UBA6: variants seen among roughly 807,000 people sequenced by gnomAD.
UBA6 encodes ubiquitin-like modifier-activating enzyme 6.
UBA6 carries 87 observed loss-of-function variants against 148.3 expected under a neutral mutation model. The ratio of observed to expected loss-of-function variants is 0.59; its 90% CI spans 0.49 to 0.70. UBA6 has a LOEUF of 0.70. UBA6 is among the 30% of genes least tolerant of loss of function. The pLI is 0.00. For synonymous variants in UBA6, 376 were observed against 401.0 expected (o/e 0.94, Z 0.75); for missense variants, 1,186 against 1,241.2 (o/e 0.96, Z 0.67).
intron 13 of UBA6, among the ~76,000 whole-genome samples, chr4:67,652,193 T>A (rs905133330): frequency 1.3e-5 from 2 of 152,154 alleles, no homozygotes; most frequent in Non-Finnish European, 2.9e-5. Context: ...AAAACACGTA[T>A]CTGATAAAGA....
intron 1 of UBA6, among the ~76,000 whole-genome samples, chr4:67,700,169 T>G (rs936141738): frequency 1.3e-5 from 2 of 152,198 alleles, no homozygotes; most frequent in Non-Finnish European, 2.9e-5. Context: ...CGGGTTATAT[T>G]ACATAATATC....
chr4:67,691,796 TAA>T (rs35909302), intron 2 of UBA6, among the ~76,000 whole-genome samples: 2 of 140,864 alleles, frequency 1.4e-5, no homozygotes, highest in African/African-American at 2.6e-5. Context: ...AGGACCATTG[TAA>T]AAAAAAAAAA....
chr4:67,633,922 A>AT lies in UBA6; in HGVS notation c.2013+319dup, dbSNP rs200841709. Among the ~76,000 whole-genome samples, 758 of 152,040 alleles carry AT rather than the reference A, an allele frequency of 5.0e-3. 9 individuals carry two copies. The highest frequency in any genetic ancestry group is 0.017 in the African/African-American group (712 of 41,510). ...GAAATTTTAACTAGAACTTACCTCAATTTTTTCTTTCCAAAGGGCTTAATA... is the reference window on the plus strand; with the variant it reads ...GAAATTTTAACTAGAACTTACCTCAATTTTTTTCTTTCCAAAGGGCTTAATA... On this transcript the variant is annotated intron_variant, in intron 22 of 32. Coordinates refer to ENST00000322244, the MANE Select transcript of UBA6 (RefSeq NM_018227.6).
At chr4:67,699,589 T>A in intron 1 of UBA6, among the ~76,000 whole-genome samples, 1 of 152,246 alleles carries the variant, frequency 6.6e-6, no homozygotes, top group South Asian at 2.1e-4. Flanking sequence ...ATATAAAAAT[T>A]AACAAAATTT....
At chr4:67,682,348 T>C in intron 2 of UBA6, 135 bp from the exon 3 acceptor site, 1 of 631,224 alleles carries the variant, frequency 1.6e-6, no homozygotes, top group Non-Finnish European at 2.8e-6. Context: ...GCACAGTGTT[T>C]AAACATTTCT....
chr4:67,652,141 TTC>T (rs1729567790), intron 13 of UBA6, among the ~76,000 whole-genome samples: 1 of 152,166 alleles, frequency 6.6e-6, no homozygotes, highest in Non-Finnish European at 1.5e-5. Context: ...ACAAAAAGTA[TTC>T]TTTTTGTGAT....
Position 67,681,569 on chromosome 4 carries a change from C to A in UBA6, c.252G>T (p.Gly84=), listed in dbSNP as rs745750155. Residue 84 remains glycine (G), a synonymous_variant, in exon 4 of 33, where the codon GGG becomes GGT. Coordinates refer to ENST00000322244, the MANE Select transcript of UBA6 (RefSeq NM_018227.6). The stretch of plus-strand genomic sequence containing the variant: ...ACAGAGGACATTTACTTACCTTAAT[C>A]CCTGCAAGAACAAGATTCTTTGCTA... ...LEIAKNLVLA[G]IKAVTIHDTE... 6 of 1,575,948 alleles carry A rather than the reference C, an allele frequency of 3.8e-6. No homozygotes were observed. In the Admixed American group the frequency reaches 8.0e-5, roughly 21 times the overall value.
intron 2 of UBA6, among the ~76,000 whole-genome samples, chr4:67,696,317 TA>T (rs1452952764): frequency 6.6e-6 from 1 of 152,066 alleles, no homozygotes; most frequent in African/African-American, 2.4e-5. Context: ...AACTGAGATT[TA>T]AATATTATCC....
intron 10 of UBA6, among the ~76,000 whole-genome samples, chr4:67,664,730 AAAATT>A (rs901100784): frequency 3.9e-5 from 6 of 152,150 alleles, no homozygotes; most frequent in African/African-American, 1.4e-4. Context: ...TGAAATTTAT[AAAATT>A]AAATTAAAAT....
rs759236862 is a variant in UBA6 at position 67,631,791 on chromosome 4, A to G, written c.2195-20T>C. On this transcript the variant is annotated intron_variant, in intron 24 of 32. Coordinates refer to ENST00000322244, the MANE Select transcript of UBA6 (RefSeq NM_018227.6). ...ATAAACCTGGCAAAAAGATACAAAT[A>G]TCATTTTCAATGTATGTAGCCAGTA... 6.2e-7 allele frequency: 1 copy of G among 1,611,112 alleles called. No individual in the cohort carries two copies. Among genetic ancestry groups the G allele is most frequent in the Non-Finnish European group, 8.5e-7 (1 of 1,178,456 alleles).
rs762942245 is a variant in UBA6, at chr4:67,644,666, A to G, written c.1476+32T>C. On this transcript the variant is annotated intron_variant, in intron 17 of 32. Coordinates refer to ENST00000322244, the MANE Select transcript of UBA6 (RefSeq NM_018227.6). The stretch of plus-strand genomic sequence containing the variant: ...TGAAAAAGGGCAACAACAGAAATAT[A>G]AACTTTTAACTCTCAAGAATTGATA... 2.4e-6 allele frequency: 3 copies of G among 1,260,044 alleles called. No individual in the cohort carries two copies. In the South Asian group the frequency reaches 3.6e-5, roughly 15 times the overall value. The allele number at this position is 1,260,044 out of a possible 1,614,324, so 78.1% of individuals were successfully genotyped here. A position where few individuals can be genotyped will look rare whatever the true frequency, so the allele number is the denominator to read the frequency against.
intron 4 of UBA6, 136 bp downstream of exon 4, chr4:67,681,427 T>G (rs1276949432): frequency 3.6e-6 from 2 of 559,292 alleles, no homozygotes; most frequent in African/African-American, 4.4e-5. Context: ...GTATATTTTT[T>G]AAATTTCCAT....
At chr4:67,681,530 T>A (rs1399519403) in intron 4 of UBA6, 33 bp downstream of exon 4, 1 of 1,509,758 alleles carries the variant, frequency 6.6e-7, no homozygotes, top group Non-Finnish European at 9.0e-7. Context: ...AAAAGGCTCA[T>A]AACAATTTTT....
At chr4:67,653,617 G>C (rs1485383129) in intron 13 of UBA6, among the ~76,000 whole-genome samples, 1 of 152,184 alleles carries the variant, frequency 6.6e-6, no homozygotes, top group East Asian at 1.9e-4. Flanking sequence ...AAAAACCAGA[G>C]TGCCTCTTCT....
intron 19 of UBA6, among the ~76,000 whole-genome samples, chr4:67,637,869 T>TC (rs1169088067): frequency 1.3e-5 from 2 of 151,514 alleles, no homozygotes; most frequent in Non-Finnish European, 2.9e-5. Context: ...CTGCTGACCT[T>TC]CCCTCCACTA....
Position 67,619,099 on chromosome 4 carries a change from C to T in UBA6, c.3057G>A (p.Lys1019=), listed in dbSNP as rs1728693879. ...MHKLVKPTTE[K]KYVDLTVSFA... ...ATGACACAGTAAGATCCACATATTT[C>T]TTTTCAGTAGTAGGTTTTACAAGTT... is the stretch of plus-strand genomic sequence containing the variant. The change falls in exon 33 of 33, where the codon AAG becomes AAA. Residue 1019 remains lysine (K), a synonymous_variant. Transcript: ENST00000322244. The T allele has an allele frequency of 1.9e-6, 3 of 1,610,664 alleles. No homozygotes were observed. In the East Asian group the frequency reaches 6.7e-5, roughly 36 times the overall value.
intron 2 of UBA6, among the ~76,000 whole-genome samples, chr4:67,683,395 T>C (rs1389509152): frequency 2.0e-5 from 3 of 152,190 alleles, no homozygotes; most frequent in Non-Finnish European, 4.4e-5. Flanking sequence ...TAATATTCAT[T>C]TATATTGTAT....
intron 1 of UBA6, among the ~76,000 whole-genome samples, chr4:67,697,859 T>A (rs1339327087): frequency 6.6e-6 from 1 of 152,212 alleles, no homozygotes; most frequent in East Asian, 1.9e-4. Context: ...TCTAAATATC[T>A]TAAAATGCAG....
chr4:67,626,250 TGTC>T (rs1421983875), intron 28 of UBA6, 107 bp downstream of exon 28: 15 of 693,188 alleles, frequency 2.2e-5, no homozygotes, highest in Non-Finnish European at 3.6e-5. Flanking sequence ...CAATCAATAT[TGTC>T]ATCATTATTA....
Sources: gnomAD v4.1 joint callset for allele counts (sites outside exome capture counted in the v4.1 genomes callset) on GRCh38, gnomAD v4.1.1 for gene constraint, MANE v1.5 for transcripts, NCBI Gene and HGNC (gene_info 2026-07-23, HGNC 2026-07-21) for gene names.